The following NOP53 variants were observed in gnomAD, a reference collection of about 807,000 sequenced individuals.
NOP53 encodes the protein ribosome biogenesis protein NOP53.
A neutral mutation model predicts 61.0 loss-of-function variants in NOP53; 40 were observed. The ratio of observed to expected loss-of-function variants is 0.66; its 90% CI spans 0.51 to 0.85. The LOEUF (loss-of-function observed/expected upper bound fraction) is 0.85. Among genes scored for constraint, NOP53 ranks in the 40% least tolerant of loss-of-function variants. The pLI is 0.00. For synonymous variants in NOP53, 308 were observed against 289.5 expected (o/e 1.06, Z -0.65); for missense variants, 689 against 652.9 (o/e 1.06, Z -0.60).
Position 47,754,758 on chromosome 19 carries a change from G to C in NOP53, c.920G>C (p.Gly307Ala). Residue 307 changes from glycine to alanine, a missense_variant, in exon 8 of 13, where the codon GGT becomes GCT. Transcript: ENST00000246802. The surrounding 1 kb of genome is among the most constrained non-coding windows in gnomAD (Gnocchi z 4.2). ...GAGGGGCTGCTGGAGGAGTCGGATGGTGAGGGGGAGCCAGGCCAGGGCGAG... is the reference window on the plus strand; with the variant it reads ...GAGGGGCTGCTGGAGGAGTCGGATGCTGAGGGGGAGCCAGGCCAGGGCGAG... ...LCEGLLEESD[G>A]EGEPGQGEGP... 5 of 1,528,806 alleles carry C rather than the reference G, an allele frequency of 3.3e-6. No individual in the cohort carries two copies. Among genetic ancestry groups the C allele is most frequent in the Non-Finnish European group, 4.4e-6 (5 of 1,134,490 alleles). 94.7% of individuals were successfully genotyped at this position (1,528,806 alleles called of 1,614,324 possible).
rs1967179535 is a variant in NOP53 at position 47,755,382 on chromosome 19, T to C, written c.1088T>C (p.Leu363Pro). 2.0e-6 allele frequency: 3 copies of C among 1,525,440 alleles called. No individual in the cohort carries two copies. Among genetic ancestry groups the C allele is most frequent in the Admixed American group, 2.1e-5 (1 of 48,488 alleles). 94.5% of individuals were successfully genotyped at this position (1,525,440 alleles called of 1,614,324 possible). ...CAGGCCGCGTTGCGGGCCGCCCGGC[T>C]CCGGCACCAGGAGCTGTTCCGGCTG... ...VQQAALRAAR[L>P]RHQELFRLRG... The change falls in exon 9 of 13, where the codon CTC becomes CCC. Residue 363 changes from leucine to proline, a missense_variant. Coordinates refer to ENST00000246802, the MANE Select transcript of NOP53 (RefSeq NM_015710.5).
intron 2 of NOP53, among the ~76,000 whole-genome samples, chr19:47,747,500 G>GTT (rs1967078721): frequency 6.6e-6 from 1 of 152,088 alleles, no homozygotes; most frequent in South Asian, 2.1e-4. Flanking sequence ...AAATTAGCCA[G>GTT]TTGTGGTGGC....
rs1014147136 is a variant in NOP53, at chr19:47,748,724, G to A, written c.290-1454G>A. Among the ~76,000 whole-genome samples, 9 of 152,190 alleles carry A rather than the reference G, an allele frequency of 5.9e-5. No homozygotes were observed. In the South Asian group the frequency reaches 6.2e-4, roughly 11 times the overall value. ...AGCCTGGGCAGCATGGCGAAACCCC[G>A]TCTCTACTAAAAATACAAAAACTAG... On this transcript the variant is annotated intron_variant, in intron 2 of 12. Coordinates refer to ENST00000246802, the MANE Select transcript of NOP53 (RefSeq NM_015710.5).
rs780327411 is a variant in NOP53, at chr19:47,745,834, C to T, written c.224+51C>T. On this transcript the variant is annotated intron_variant, in intron 1 of 12. Coordinates refer to ENST00000246802, the MANE Select transcript of NOP53 (RefSeq NM_015710.5). ...GTGGGACGGTTCCTGCGCCCAGGTGCAAGGCCAGGCGTGCTTGCGTGGACT... is the reference window on the plus strand; with the variant it reads ...GTGGGACGGTTCCTGCGCCCAGGTGTAAGGCCAGGCGTGCTTGCGTGGACT... The T allele has an allele frequency of 6.2e-5, 66 of 1,063,392 alleles. 1 individual carries two copies. The highest frequency in any genetic ancestry group is 7.7e-5 in the Non-Finnish European group (63 of 815,410). The allele number at this position is 1,063,392 out of a possible 1,614,324, so 65.9% of individuals were successfully genotyped here.
chr19:47,751,272 C>T (rs1186315356), intron 4 of NOP53, 165 bp downstream of exon 4: 17 of 700,322 alleles, frequency 2.4e-5, no homozygotes, highest in South Asian at 1.4e-4. Context: ...GTTTCCCACT[C>T]GTGCTTTTCC....
At chr19:47,755,876 G>A in intron 10 of NOP53, 54 bp downstream of exon 10, 1 of 1,458,314 alleles carries the variant, frequency 6.9e-7, no homozygotes, top group African/African-American at 1.4e-5. Flanking sequence ...CACCATCCTT[G>A]CTCCCCGTGC....
chr19:47,751,061 C>T lies in NOP53; in HGVS notation c.552C>T (p.Pro184=), dbSNP rs1967119131. Residue 184 remains proline, a synonymous_variant, in exon 4 of 13, where the codon CCC becomes CCT. Coordinates refer to ENST00000246802, the MANE Select transcript of NOP53 (RefSeq NM_015710.5). ...NPSATRAKPG[P]QDTVERPFYD... ...CTGCAACAAGGGCCAAGCCCGGGCC[C>T]CAGGACACCGTAGAGCGGCCCTTCT... 1 of 1,608,900 alleles carries T rather than the reference C, an allele frequency of 6.2e-7. No homozygotes were observed. Among genetic ancestry groups the T allele is most frequent in the Non-Finnish European group, 8.5e-7 (1 of 1,178,386 alleles).
Position 47,752,620 on chromosome 19 carries a change from G to A in NOP53, c.765+13G>A, listed in dbSNP as rs570919349. 163 of 1,502,778 alleles carry A rather than the reference G, an allele frequency of 1.1e-4. 5 individuals are homozygous for A. In the South Asian group the frequency reaches 1.5e-3, roughly 13 times the overall value. The allele number at this position is 1,502,778 out of a possible 1,614,324, so 93.1% of individuals were successfully genotyped here. A position where few individuals can be genotyped will look rare whatever the true frequency, so the allele number is the denominator to read the frequency against. On this transcript the variant is annotated intron_variant, in intron 6 of 12. Transcript: ENST00000246802. ...TGAAGACCACCAGGTACACTGCCCC[G>A]TCCAGGCCTCCCTCCTCAGTGGGCT...
chr19:47,747,229 T>C (rs1420617393), intron 2 of NOP53, among the ~76,000 whole-genome samples, 198 bp downstream of exon 2: 2 of 152,162 alleles, frequency 1.3e-5, no homozygotes, highest in Non-Finnish European at 2.9e-5. Flanking sequence ...GGTTTTTCTT[T>C]TGAGATGTCA....
At chr19:47,756,768 A>G (rs1207953315) in intron 12 of NOP53, 24 bp downstream of exon 12, 7 of 1,611,230 alleles carry the variant, frequency 4.3e-6, no homozygotes, top group Non-Finnish European at 5.9e-6. Flanking sequence ...GCTTCGGCGC[A>G]AGGAAGGGAG....
In NOP53 at chr19:47,745,600, C is replaced by G; in HGVS notation, c.41C>G (p.Ser14Trp). The part of the protein sequence containing the change: ...GGSGVGGKRS[S>W]KSDADSGFLG... ...AGTGGCGTTGGTGGGAAGCGCAGCT[C>G]GAAAAGCGATGCCGATTCTGGTTTC... Residue 14 changes from serine to tryptophan, a missense_variant, in exon 1 of 13, where the codon TCG becomes TGG. Physicochemically the swap from Ser to Trp is radical, Grantham distance 177. Coordinates refer to ENST00000246802, the MANE Select transcript of NOP53 (RefSeq NM_015710.5). 6.2e-7 allele frequency: 1 copy of G among 1,614,000 alleles called. No homozygotes were observed. Among genetic ancestry groups the G allele is most frequent in the South Asian group, 1.1e-5 (1 of 91,074 alleles).
intron 2 of NOP53, among the ~76,000 whole-genome samples, chr19:47,747,768 T>TAGTAGAGATGGGTC: frequency 6.9e-6 from 1 of 145,572 alleles, no homozygotes; most frequent in Non-Finnish European, 1.5e-5. Flanking sequence ...TTTCTTTTCT[T>TAGTAGAGATGGGTC]TTCTCTCTCT....
intron 2 of NOP53, among the ~76,000 whole-genome samples, chr19:47,749,766 A>T (rs1010157587): frequency 2.0e-5 from 3 of 151,636 alleles, no homozygotes; most frequent in Non-Finnish European, 4.4e-5. Flanking sequence ...TTTCCCCCTG[A>T]GATGAGATCT....
At chr19:47,746,702 C>A in intron 1 of NOP53, 1 of 323,732 alleles carries the variant, frequency 3.1e-6, no homozygotes, top group Non-Finnish European at 5.8e-6. Flanking sequence ...AGGGTTTCAC[C>A]ATGTTGGCCA....
Position 47,755,401 on chromosome 19 carries a change from C to A in NOP53, c.1107C>A (p.Phe369Leu). 3 of 1,532,414 alleles carry A rather than the reference C, an allele frequency of 2.0e-6. No homozygotes were observed. Among genetic ancestry groups the A allele is most frequent in the South Asian group, 1.2e-5 (1 of 83,202 alleles). 94.9% of individuals were successfully genotyped at this position (1,532,414 alleles called of 1,614,324 possible). A position where few individuals can be genotyped will look rare whatever the true frequency, so the allele number is the denominator to read the frequency against. ...RAARLRHQEL[F>L]RLRGIKAQVA... ...CCCGGCTCCGGCACCAGGAGCTGTT[C>A]CGGCTGCGCGGGATCAAGGCCCAGG... Residue 369 changes from phenylalanine (F) to leucine (L), a missense_variant, in exon 9 of 13, where the codon TTC (phenylalanine) becomes TTA (leucine). Coordinates refer to ENST00000246802, the MANE Select transcript of NOP53 (RefSeq NM_015710.5).
intron 1 of NOP53, 31 bp downstream of exon 1, chr19:47,745,814 A>G (rs1967054972): frequency 3.0e-6 from 4 of 1,318,480 alleles, no homozygotes; most frequent in Admixed American, 3.3e-5. Context: ...GGGAGGTGGG[A>G]CGGTTCCTGC....
At position 47,751,354 on chromosome 19, in the gene NOP53, GAC is replaced by G. The variant is rs1437779642; in HGVS notation, c.599-162_599-161del. Reference sequence around the variant, plus strand: ...CTCTTCCACTTTCTGAACCCGTCCAGACACAGTTTTGTCCTGGTGATCAAGGC... The same window carrying G: ...CTCTTCCACTTTCTGAACCCGTCCAGACAGTTTTGTCCTGGTGATCAAGGC... On this transcript the variant is annotated intron_variant, in intron 4 of 12. Transcript: ENST00000246802. 1.5e-5 allele frequency: 10 copies of G among 652,888 alleles called. No homozygotes were observed. The African/African-American group carries it at 1.6e-4, about 11-fold the overall frequency. The allele number at this position is 652,888 out of a possible 1,614,324, so 40.4% of individuals were successfully genotyped here. A position where few individuals can be genotyped will look rare whatever the true frequency, so the allele number is the denominator to read the frequency against.
chr19:47,749,310 C>T (rs1215556768), intron 2 of NOP53, among the ~76,000 whole-genome samples: 5 of 152,204 alleles, frequency 3.3e-5, no homozygotes, highest in Admixed American at 2.6e-4. Context: ...GAGTGGGAAG[C>T]CTCTTTGGGG....
In NOP53 at chr19:47,756,684, C is replaced by T. The variant is rs775322173; in HGVS notation, c.1374-4C>T. On this transcript the variant is annotated splice_region_variant and splice_polypyrimidine_tract_variant and intron_variant, in intron 11 of 12. Coordinates refer to ENST00000246802, the MANE Select transcript of NOP53 (RefSeq NM_015710.5). The stretch of plus-strand genomic sequence containing the variant: ...CACTGATTGCTCCATTGTCCCTGCT[C>T]CAGGTTCAAACGCAAGTACAAGGTG... 1.2e-6 allele frequency: 2 copies of T among 1,613,786 alleles called. No homozygotes were observed. Among genetic ancestry groups the T allele is most frequent in the East Asian group, 2.2e-5 (1 of 44,892 alleles).
Sources: gnomAD v4.1 joint callset for allele counts (sites outside exome capture counted in the v4.1 genomes callset) on GRCh38, gnomAD v4.1.1 for gene constraint, Gnocchi (gnomAD v3.1) non-coding constraint, MANE v1.5 for transcripts, NCBI Gene and HGNC (gene_info 2026-07-23, HGNC 2026-07-21) for gene names.